Variants in SLC9A9 observed in about 807,000 individuals in gnomAD.
SLC9A9 encodes solute carrier family 9 member A9.
A neutral mutation model predicts 77.8 loss-of-function variants in SLC9A9; 62 were observed. The ratio of observed to expected loss-of-function variants is 0.80; its 90% CI spans 0.65 to 0.98. The LOEUF is 0.98. SLC9A9 is among the 50% of genes least tolerant of loss of function. The pLI is 0.00. For synonymous variants in SLC9A9, 320 were observed against 283.5 expected (o/e 1.13, Z -1.29); for missense variants, 775 against 774.9 (o/e 1.00, Z 0.00).
rs78807704 is a variant in SLC9A9, at chr3:143,730,736, T to C, written c.534-37429A>G. ...TGCCTATTGAAATGCCTGGAACATA[T>C]TGCAAACACTTAGTAAGCAATAGAT... On this transcript the variant is annotated intron_variant, in intron 4 of 15. Transcript: ENST00000316549. Among the ~76,000 whole-genome samples, 1,198 of 152,272 alleles carry C rather than the reference T, an allele frequency of 7.9e-3. 19 individuals are homozygous for C. Among genetic ancestry groups the C allele is most frequent in the African/African-American group, 0.027 (1,120 of 41,526 alleles).
At chr3:143,695,401 G>T (rs372949756) in intron 4 of SLC9A9, among the ~76,000 whole-genome samples, 2 of 152,116 alleles carry the variant, frequency 1.3e-5, no homozygotes, top group African/African-American at 4.8e-5. Context: ...TGTTCTCATT[G>T]TTCAGCTCCC....
At chr3:143,717,670 A>G (rs1934390458) in intron 4 of SLC9A9, among the ~76,000 whole-genome samples, 1 of 152,060 alleles carries the variant, frequency 6.6e-6, no homozygotes, top group Non-Finnish European at 1.5e-5. Flanking sequence ...CTTTTACATC[A>G]CTGGCCTAGT....
chr3:143,752,024 C>T (rs1054356168), intron 4 of SLC9A9, among the ~76,000 whole-genome samples: 18 of 152,158 alleles, frequency 1.2e-4, no homozygotes, highest in African/African-American at 4.1e-4. Context: ...CTACTGAAAT[C>T]GCCTTTCAGA....
At chr3:143,309,414 A>G (rs1480464081) in intron 14 of SLC9A9, among the ~76,000 whole-genome samples, 1 of 85,362 alleles carries the variant, frequency 1.2e-5, no homozygotes, top group Non-Finnish European at 2.1e-5. Flanking sequence ...ATAAACAGAA[A>G]AGCAAAAAAA....
chr3:143,387,491 AT>A (rs1432654049), intron 12 of SLC9A9, among the ~76,000 whole-genome samples: 2 of 152,198 alleles, frequency 1.3e-5, no homozygotes, highest in East Asian at 1.9e-4. Flanking sequence ...GCTGGTTAAA[AT>A]TTTATATGAT....
chr3:143,369,827 C>T (rs1434504124), intron 13 of SLC9A9, among the ~76,000 whole-genome samples: 1 of 152,108 alleles, frequency 6.6e-6, no homozygotes, highest in Non-Finnish European at 1.5e-5. Context: ...TTTGCTGTCT[C>T]TCTTGGACCA....
At chr3:143,789,464 G>C (rs945764425) in intron 4 of SLC9A9, among the ~76,000 whole-genome samples, 3 of 152,046 alleles carry the variant, frequency 2.0e-5, no homozygotes, top group Non-Finnish European at 2.9e-5. Flanking sequence ...CTCTTCCCTG[G>C]GTTAGAAACC....
At chr3:143,632,819 G>A (rs919905273) in intron 6 of SLC9A9, among the ~76,000 whole-genome samples, 7 of 152,168 alleles carry the variant, frequency 4.6e-5, no homozygotes, top group Admixed American at 3.9e-4. Flanking sequence ...CCTATGGTTT[G>A]GGAGATGGAT....
At position 143,370,380 on chromosome 3, in the gene SLC9A9, C is replaced by T. The variant is rs151134818; in HGVS notation, c.1525-6817G>A. On this transcript the variant is annotated intron_variant, in intron 13 of 15. Coordinates refer to ENST00000316549, the MANE Select transcript of SLC9A9 (RefSeq NM_173653.4). ...AAAAACTATCCTGGGTCAAATATAC[C>T]CATCTTACAGATTGAAGATTAAATA... Among the ~76,000 whole-genome samples, 132 of 152,018 alleles carry T rather than the reference C, an allele frequency of 8.7e-4. 1 individual carries two copies. The highest frequency in any genetic ancestry group is 3.0e-3 in the African/African-American group (124 of 41,454).
At chr3:143,523,325 A>G (rs535129248) in intron 9 of SLC9A9, among the ~76,000 whole-genome samples, 101 of 152,290 alleles carry the variant, frequency 6.6e-4, no homozygotes, top group African/African-American at 2.1e-3. Context: ...AAAAATCTGT[A>G]TAGAAATAGC....
intron 6 of SLC9A9, among the ~76,000 whole-genome samples, chr3:143,585,088 T>A (rs925992466): frequency 5.3e-5 from 8 of 152,340 alleles, no homozygotes; most frequent in African/African-American, 1.9e-4. Flanking sequence ...TCTGTTGGCA[T>A]GATGGCACCT....
intron 14 of SLC9A9, among the ~76,000 whole-genome samples, chr3:143,296,982 T>C (rs1418974616): frequency 6.6e-6 from 1 of 152,180 alleles, no homozygotes; most frequent in Non-Finnish European, 1.5e-5. Flanking sequence ...GGTTGTCTTT[T>C]CCCTCTGATT....
intron 2 of SLC9A9, among the ~76,000 whole-genome samples, chr3:143,820,508 C>T (rs2009138563): frequency 6.6e-6 from 1 of 152,174 alleles, no homozygotes; most frequent in Admixed American, 6.5e-5. Flanking sequence ...AACTCCAGGC[C>T]TTCTCATTTT....
chr3:143,843,406 C>T (rs796368348), intron 1 of SLC9A9, among the ~76,000 whole-genome samples: 1 of 152,148 alleles, frequency 6.6e-6, no homozygotes, highest in South Asian at 2.1e-4. Flanking sequence ...TTCTTTAAAT[C>T]TTGAAAAACT....
intron 12 of SLC9A9, among the ~76,000 whole-genome samples, chr3:143,428,096 C>G (rs564422795): frequency 6.6e-6 from 1 of 152,180 alleles, no homozygotes; most frequent in South Asian, 2.1e-4. Flanking sequence ...TTACATCAAG[C>G]CCAAAAGCTT....
chr3:143,743,292 C>T (rs188373927), intron 4 of SLC9A9, among the ~76,000 whole-genome samples: 116 of 120,970 alleles, frequency 9.6e-4, no homozygotes, highest in East Asian at 2.8e-3. Context: ...GATAGATAGA[C>T]AGACAGATAG....
intron 6 of SLC9A9, among the ~76,000 whole-genome samples, chr3:143,590,032 C>T (rs2037619819): frequency 1.3e-5 from 2 of 152,168 alleles, no homozygotes; most frequent in Admixed American, 1.3e-4. Flanking sequence ...TACTTACAGG[C>T]CAAGATTTCT....
chr3:143,335,743 CAT>C (rs2031903325), intron 14 of SLC9A9, among the ~76,000 whole-genome samples: 1 of 151,996 alleles, frequency 6.6e-6, no homozygotes, highest in Non-Finnish European at 1.5e-5. Flanking sequence ...TATCTTATGC[CAT>C]ATAGAAAAAT....
At chr3:143,340,961 C>T (rs2032079893) in intron 14 of SLC9A9, among the ~76,000 whole-genome samples, 1 of 152,210 alleles carries the variant, frequency 6.6e-6, no homozygotes, top group African/African-American at 2.4e-5. Context: ...ATCACCTGAA[C>T]TTTATCACTT....
Sources: allele counts gnomAD v4.1 joint callset (sites outside exome capture counted in the v4.1 genomes callset), GRCh38; gene constraint gnomAD v4.1.1; transcripts MANE v1.5; gene names NCBI Gene and HGNC (gene_info 2026-07-23, HGNC 2026-07-21).